NRXN1: variants seen among roughly 807,000 people sequenced by gnomAD.
NRXN1 encodes neurexin 1.
In NRXN1, 39 loss-of-function variants were observed where a neutral mutation model predicts 150.9. That is an observed-to-expected ratio of 0.26 (90% CI 0.20 to 0.34). The LOEUF is 0.34. Ranked by LOEUF, NRXN1 falls within the 10% of genes least tolerant of loss-of-function variation. The pLI, the probability that NRXN1 is intolerant of heterozygous loss-of-function variation, is 1.00. For synonymous variants in NRXN1, 924 were observed against 757.0 expected (o/e 1.22, Z -3.62); for missense variants, 1,815 against 1,949.9 (o/e 0.93, Z 1.30).
intron 21 of NRXN1, among the ~76,000 whole-genome samples, chr2:49,981,394 G>C (rs779699635): frequency 5.9e-5 from 9 of 151,972 alleles, no homozygotes; most frequent in Non-Finnish European, 8.8e-5. Context: ...AAGAATGAAG[G>C]GGAGGGAGGG....
rs201692460 is a variant in NRXN1 at position 50,883,070 on chromosome 2, A to T, written c.832+38799T>A. On this transcript the variant is annotated intron_variant, in intron 5 of 22. Transcript: ENST00000401669. ...TGTAATATAACACCACAGCTATTTA[A>T]TATTTAAATGCTATTATTCTTAAAA... Among the ~76,000 whole-genome samples the T allele has an allele frequency of 5.3e-5, 8 of 152,018 alleles. No homozygotes were observed. In the East Asian group the frequency reaches 1.6e-3, roughly 30 times the overall value.
intron 8 of NRXN1, among the ~76,000 whole-genome samples, chr2:50,581,456 A>G (rs904723286): frequency 6.6e-6 from 1 of 152,208 alleles, no homozygotes; most frequent in Admixed American, 6.5e-5. Flanking sequence ...ACCATCCCTC[A>G]GATTCATAGG....
intron 19 of NRXN1, among the ~76,000 whole-genome samples, chr2:50,090,189 T>G (rs187124732): frequency 6.6e-6 from 1 of 152,190 alleles, no homozygotes; most frequent in Non-Finnish European, 1.5e-5. Flanking sequence ...TAGAATTCTA[T>G]AAACCAGAAA....
intron 2 of NRXN1, among the ~76,000 whole-genome samples, chr2:51,027,210 G>C (rs543623830): frequency 1.2e-4 from 19 of 152,168 alleles, no homozygotes; most frequent in Non-Finnish European, 2.5e-4. Context: ...CAAAGAACCC[G>C]AGGAATAAGA....
At chr2:50,236,517 A>G (rs943157125) in intron 18 of NRXN1, among the ~76,000 whole-genome samples, 2 of 151,764 alleles carry the variant, frequency 1.3e-5, no homozygotes, top group African/African-American at 4.8e-5. Context: ...AGACACTAAA[A>G]TCACTCCAAA....
intron 5 of NRXN1, among the ~76,000 whole-genome samples, chr2:50,846,826 A>G (rs962069687): frequency 2.0e-5 from 3 of 152,232 alleles, no homozygotes; most frequent in African/African-American, 7.2e-5. Context: ...GATTAAAAAG[A>G]GAAAAGCATA....
chr2:50,781,912 A>G (rs1378396647), intron 5 of NRXN1, among the ~76,000 whole-genome samples: 1 of 152,222 alleles, frequency 6.6e-6, no homozygotes, highest in Non-Finnish European at 1.5e-5. Context: ...CCATCCTCAC[A>G]GAACTAGTAA....
chr2:50,325,326 G>C (rs2076316152), intron 17 of NRXN1, among the ~76,000 whole-genome samples: 2 of 152,178 alleles, frequency 1.3e-5, no homozygotes, highest in South Asian at 4.1e-4. Flanking sequence ...CCTATGGATT[G>C]GTGGTCACTG....
chr2:50,440,402 TTA>T (rs1386428861), intron 17 of NRXN1, among the ~76,000 whole-genome samples: 3 of 134,172 alleles, frequency 2.2e-5, no homozygotes, highest in Admixed American at 7.1e-5. Context: ...ACTATAGTCT[TTA>T]TTATTATTAT....
At chr2:50,539,166 T>C (rs973872106) in intron 9 of NRXN1, among the ~76,000 whole-genome samples, 2 of 146,682 alleles carry the variant, frequency 1.4e-5, no homozygotes, top group Non-Finnish European at 3.0e-5. Flanking sequence ...TTAACTTACA[T>C]AGTTTTGTTT....
Position 50,603,829 on chromosome 2 carries a change from T to C in NRXN1, c.1320+16193A>G, listed in dbSNP as rs928595256. ...AAAATGCATTGCGTTGCACTCCACATAGACTGGTCAACCTTGATCACTGGG... is the reference window on the plus strand; with the variant it reads ...AAAATGCATTGCGTTGCACTCCACACAGACTGGTCAACCTTGATCACTGGG... On this transcript the variant is annotated intron_variant, in intron 8 of 22. Coordinates refer to ENST00000401669, the MANE Select transcript of NRXN1 (RefSeq NM_001330078.2). Among the ~76,000 whole-genome samples, 6 of 152,174 alleles carry C rather than the reference T, an allele frequency of 3.9e-5. No individual in the cohort carries two copies. In the South Asian group the frequency reaches 6.2e-4, roughly 16 times the overall value.
chr2:49,995,958 C>T (rs1010115997), intron 21 of NRXN1, among the ~76,000 whole-genome samples: 1 of 149,750 alleles, frequency 6.7e-6, no homozygotes, highest in African/African-American at 2.4e-5. Context: ...GGGTGATTTC[C>T]AGAAATTCAT....
intron 18 of NRXN1, among the ~76,000 whole-genome samples, chr2:50,169,629 C>T (rs1193639266): frequency 6.7e-6 from 1 of 149,832 alleles, no homozygotes; most frequent in Non-Finnish European, 1.5e-5. Context: ...AGGAGAATTG[C>T]TTGAACCCAG....
At chr2:50,041,677 G>T (rs1226192015) in intron 21 of NRXN1, among the ~76,000 whole-genome samples, 2 of 152,222 alleles carry the variant, frequency 1.3e-5, no homozygotes, top group East Asian at 3.9e-4. Context: ...AATAAGAGAT[G>T]ATTTCCTGTA....
At chr2:50,945,899 T>TATATATAC (rs371095334) in intron 2 of NRXN1, among the ~76,000 whole-genome samples, 402 of 102,982 alleles carry the variant, frequency 3.9e-3, no homozygotes, top group African/African-American at 0.014. Flanking sequence ...TATATATATA[T>TATATATAC]ACACACACAC....
At chr2:50,169,876 T>C (rs1284657796) in intron 18 of NRXN1, among the ~76,000 whole-genome samples, 1 of 151,624 alleles carries the variant, frequency 6.6e-6, no homozygotes, top group Admixed American at 6.6e-5. Context: ...TTTGGTACAG[T>C]AAAGAGATAA....
At chr2:50,498,945 A>C (rs1358329575) in intron 13 of NRXN1, among the ~76,000 whole-genome samples, 1 of 152,200 alleles carries the variant, frequency 6.6e-6, no homozygotes, top group Non-Finnish European at 1.5e-5. Flanking sequence ...TGAAAATATT[A>C]ATTAGAGCTA....
intron 19 of NRXN1, among the ~76,000 whole-genome samples, chr2:50,084,241 G>A (rs1051677256): frequency 6.6e-6 from 1 of 152,206 alleles, no homozygotes; most frequent in Non-Finnish European, 1.5e-5. Context: ...GCCCTTGCGC[G>A]GTGGATGAGA....
At chr2:50,652,588 C>T (rs1685800989) in intron 5 of NRXN1, among the ~76,000 whole-genome samples, 1 of 152,066 alleles carries the variant, frequency 6.6e-6, no homozygotes, top group South Asian at 2.1e-4. Context: ...CTTGCTCACT[C>T]ATCAGTTGAT....
Sources: allele counts gnomAD v4.1 joint callset (sites outside exome capture counted in the v4.1 genomes callset), GRCh38; gene constraint gnomAD v4.1.1; transcripts MANE v1.5; gene names NCBI Gene and HGNC (gene_info 2026-07-23, HGNC 2026-07-21).